The following MAGI1 variants were observed in gnomAD, a reference collection of about 807,000 sequenced individuals.
MAGI1 encodes the protein membrane associated guanylate kinase, WW and PDZ domain containing 1.
MAGI1 carries 58 observed loss-of-function variants against 139.9 expected under a neutral mutation model. That is an observed-to-expected ratio of 0.41 (90% CI 0.34 to 0.52). MAGI1 has a LOEUF of 0.52. MAGI1 is among the 20% of genes least tolerant of loss of function. The pLI, the probability that MAGI1 is intolerant of heterozygous loss-of-function variation, is 0.12. For missense variants in MAGI1, 1,874 were observed against 1,901.6 expected (o/e 0.99, Z 0.27); for synonymous variants, 812 against 737.9 (o/e 1.10, Z -1.63).
intron 13 of MAGI1, among the ~76,000 whole-genome samples, chr3:65,393,780 G>A (rs891852290): frequency 6.6e-6 from 1 of 152,056 alleles, no homozygotes; most frequent in Non-Finnish European, 1.5e-5. Flanking sequence ...TTGAAATTAC[G>A]CTTCACAAAG....
intron 1 of MAGI1, among the ~76,000 whole-genome samples, chr3:65,674,211 A>C (rs1487753632): frequency 1.3e-5 from 2 of 152,244 alleles, no homozygotes; most frequent in Non-Finnish European, 2.9e-5. Flanking sequence ...TTAAGTAGCT[A>C]AGATTTCTGC....
intron 2 of MAGI1, among the ~76,000 whole-genome samples, chr3:65,506,746 C>G (rs1463396305): frequency 6.6e-6 from 1 of 152,088 alleles, no homozygotes; most frequent in African/African-American, 2.4e-5. Flanking sequence ...TTATTCTTCA[C>G]ATAATCAAAG....
chr3:65,719,163 A>G (rs755633167), intron 1 of MAGI1, among the ~76,000 whole-genome samples: 35 of 152,248 alleles, frequency 2.3e-4, no homozygotes, highest in Non-Finnish European at 3.8e-4. Context: ...AAATACAAAG[A>G]GATCCACAAA....
At chr3:65,682,807 G>A (rs1159045981) in intron 1 of MAGI1, among the ~76,000 whole-genome samples, 1 of 152,090 alleles carries the variant, frequency 6.6e-6, no homozygotes, top group African/African-American at 2.4e-5. Context: ...AACAGTAACA[G>A]GCAGAACACA....
intron 1 of MAGI1, among the ~76,000 whole-genome samples, chr3:65,870,670 A>G (rs2059907570): frequency 6.6e-6 from 1 of 151,218 alleles, no homozygotes; most frequent in Non-Finnish European, 1.5e-5. Context: ...AGGGTAGAGA[A>G]GAAGGAAAAC....
At chr3:65,454,768 A>G (rs1949282183) in intron 5 of MAGI1, among the ~76,000 whole-genome samples, 8 of 151,274 alleles carry the variant, frequency 5.3e-5, no homozygotes, top group Admixed American at 5.3e-4. Context: ...GAATCTGCGA[A>G]TGTATACACG....
At chr3:65,641,329 A>G (rs1314665774) in intron 1 of MAGI1, among the ~76,000 whole-genome samples, 1 of 152,220 alleles carries the variant, frequency 6.6e-6, no homozygotes, top group African/African-American at 2.4e-5. Flanking sequence ...ACTTCAATGA[A>G]CACTGAAATC....
At chr3:66,021,127 C>A (rs567357347) in intron 1 of MAGI1, among the ~76,000 whole-genome samples, 2 of 152,152 alleles carry the variant, frequency 1.3e-5, no homozygotes, top group Non-Finnish European at 2.9e-5. Flanking sequence ...CCATTCAATA[C>A]GGTAGACACT....
At chr3:65,922,030 T>A (rs1267027198) in intron 1 of MAGI1, among the ~76,000 whole-genome samples, 1 of 152,106 alleles carries the variant, frequency 6.6e-6, no homozygotes, top group Non-Finnish European at 1.5e-5. Context: ...TATAGGAGTG[T>A]ATCAAGTACC....
At chr3:65,614,667 C>G (rs372400147) in intron 2 of MAGI1, among the ~76,000 whole-genome samples, 1 of 151,936 alleles carries the variant, frequency 6.6e-6, no homozygotes, top group Non-Finnish European at 1.5e-5. Flanking sequence ...TAATAACTAC[C>G]ACTAGCATCA....
chr3:65,774,226 T>C (rs924838799), intron 1 of MAGI1, among the ~76,000 whole-genome samples: 1 of 152,210 alleles, frequency 6.6e-6, no homozygotes, highest in African/African-American at 2.4e-5. Flanking sequence ...AATTCTGTTT[T>C]ACACAAGCAA....
At position 65,430,059 on chromosome 3, in the gene MAGI1, G is replaced by C; in HGVS notation, c.1628C>G (p.Pro543Arg). The C allele has an allele frequency of 6.2e-7, 1 of 1,613,810 alleles. No individual in the cohort carries two copies. Residue 543 changes from proline (P) to arginine (R), a missense_variant, in exon 12 of 23, where the codon CCC (proline) becomes CGC (arginine). Transcript: ENST00000402939. Reference sequence around the variant, plus strand: ...TTCAAGGTCCACGCTGGCACCAATGGGGATGGACTGGAAGATCTTCACAAC... The same window carrying C: ...TTCAAGGTCCACGCTGGCACCAATGCGGATGGACTGGAAGATCTTCACAAC... The part of the protein sequence containing the change: ...AQVVKIFQSI[P>R]IGASVDLELC...
At chr3:65,885,311 C>T (rs1204654676) in intron 1 of MAGI1, among the ~76,000 whole-genome samples, 2 of 151,836 alleles carry the variant, frequency 1.3e-5, no homozygotes, top group Non-Finnish European at 2.9e-5. Flanking sequence ...CCAGGAGAAT[C>T]ACTTGAACCC....
intron 12 of MAGI1, among the ~76,000 whole-genome samples, chr3:65,428,675 G>A (rs1947249401): frequency 6.6e-6 from 1 of 152,146 alleles, no homozygotes; most frequent in African/African-American, 2.4e-5. Flanking sequence ...ATGCACACAT[G>A]GGCCCTGGCT....
chr3:65,946,183 C>G (rs2063537790), intron 1 of MAGI1, among the ~76,000 whole-genome samples: 1 of 152,198 alleles, frequency 6.6e-6, no homozygotes, highest in Admixed American at 6.5e-5. Context: ...CCTGCATGCC[C>G]TCCCAGGGCA....
chr3:65,868,467 G>T (rs1298981666), intron 1 of MAGI1, among the ~76,000 whole-genome samples: 5 of 152,178 alleles, frequency 3.3e-5, no homozygotes, highest in Non-Finnish European at 7.3e-5. Context: ...GGCCTGTCAT[G>T]AATTCACCAC....
At chr3:65,375,507 C>G (rs1942430751) in intron 18 of MAGI1, among the ~76,000 whole-genome samples, 1 of 152,132 alleles carries the variant, frequency 6.6e-6, no homozygotes. Context: ...ATATTTGCAG[C>G]AACACAGGGT....
chr3:65,991,564 A>G (rs1476327959), intron 1 of MAGI1, among the ~76,000 whole-genome samples: 1 of 152,188 alleles, frequency 6.6e-6, no homozygotes, highest in Non-Finnish European at 1.5e-5. Context: ...ATGCAAGCAG[A>G]CTACCTCCTG....
chr3:65,616,494 T>A (rs975285585), intron 2 of MAGI1, among the ~76,000 whole-genome samples: 1 of 151,952 alleles, frequency 6.6e-6, no homozygotes, highest in Non-Finnish European at 1.5e-5. Context: ...GAGAAAGGGA[T>A]AGAGAGAGAT....
Sources: gnomAD v4.1 joint callset for allele counts (sites outside exome capture counted in the v4.1 genomes callset) on GRCh38, gnomAD v4.1.1 for gene constraint, MANE v1.5 for transcripts, NCBI Gene and HGNC (gene_info 2026-07-23, HGNC 2026-07-21) for gene names.